PPP2R2D: variants seen among roughly 807,000 people sequenced by gnomAD.
The protein encoded by PPP2R2D is protein phosphatase 2 regulatory subunit Bdelta.
A neutral mutation model predicts 31.1 loss-of-function variants in PPP2R2D; 9 were observed. The ratio of observed to expected loss-of-function variants is 0.29; its 90% CI spans 0.17 to 0.51. The LOEUF is 0.51. Ranked by LOEUF, PPP2R2D falls within the 20% of genes least tolerant of loss-of-function variation. PPP2R2D has a pLI of 0.98. For missense variants in PPP2R2D, 391 were observed against 465.6 expected, an observed-to-expected ratio of 0.84 and a Z score of 1.48; for synonymous variants, 179 against 172.6, an observed-to-expected ratio of 1.04 and a Z score of -0.29.
intron 8 of PPP2R2D, among the ~76,000 whole-genome samples, chr10:131,948,825 G>T (rs1291973069): frequency 2.6e-5 from 4 of 152,222 alleles, no homozygotes; most frequent in African/African-American, 9.6e-5. Flanking sequence ...CCCACACGAG[G>T]TGTAGAGTTG....
At chr10:131,963,705 G>C (rs1554901811), downstream of PPP2R2D, among the ~76,000 whole-genome samples, 1 of 152,248 alleles carries the variant, frequency 6.6e-6, no homozygotes, top group Non-Finnish European at 1.5e-5. Flanking sequence ...CCCCAGTCCA[G>C]GGACCACACT....
chr10:131,917,686 G>A (rs1299977081), intron 2 of PPP2R2D, among the ~76,000 whole-genome samples: 5 of 132,146 alleles, frequency 3.8e-5, no homozygotes, highest in Non-Finnish European at 6.4e-5. Flanking sequence ...GAATGACAGT[G>A]TAGGGACCTC....
At chr10:131,950,050 G>A (rs1554898605) in intron 8 of PPP2R2D, among the ~76,000 whole-genome samples, 1 of 151,750 alleles carries the variant, frequency 6.6e-6, no homozygotes, top group Non-Finnish European at 1.5e-5. Context: ...GACTGGAAAG[G>A]AGTCAGAGAA....
chr10:131,965,049 A>G, the PPP2R2D span, among the ~76,000 whole-genome samples: 1 of 152,110 alleles, frequency 6.6e-6, no homozygotes, highest in Admixed American at 6.5e-5. Context: ...AGTATACTAT[A>G]TATATATTTA....
chr10:131,929,000 C>T (rs181955815), intron 2 of PPP2R2D, among the ~76,000 whole-genome samples: 1 of 152,336 alleles, frequency 6.6e-6, no homozygotes, highest in African/African-American at 2.4e-5. Context: ...ACAGGCGCCT[C>T]TGTCCTCAAC....
At chr10:131,901,655 C>T (rs925407454) in intron 2 of PPP2R2D, among the ~76,000 whole-genome samples, 34 of 152,294 alleles carry the variant, frequency 2.2e-4, no homozygotes, top group African/African-American at 7.7e-4. Flanking sequence ...GGGGCTGCCT[C>T]CTGCCTGGGG....
intron 2 of PPP2R2D, among the ~76,000 whole-genome samples, chr10:131,903,599 G>A (rs1357422204): frequency 6.6e-6 from 1 of 151,988 alleles, no homozygotes; most frequent in African/African-American, 2.4e-5. Context: ...GGTATTTCGA[G>A]TTGTCGTGGT....
intron 2 of PPP2R2D, among the ~76,000 whole-genome samples, chr10:131,914,194 A>G (rs1409997863): frequency 1.3e-5 from 2 of 152,180 alleles, no homozygotes; most frequent in Non-Finnish European, 2.9e-5. Flanking sequence ...TAATCATCAT[A>G]GAAATGGTAT....
At chr10:131,930,062 A>G (rs1554895485) in intron 2 of PPP2R2D, among the ~76,000 whole-genome samples, 1 of 152,222 alleles carries the variant, frequency 6.6e-6, no homozygotes, top group Non-Finnish European at 1.5e-5. Flanking sequence ...AAAGAGGTTG[A>G]AAGAGATCTA....
chr10:131,950,374 A>G (rs1352568120), intron 8 of PPP2R2D, among the ~76,000 whole-genome samples: 2 of 152,170 alleles, frequency 1.3e-5, no homozygotes, highest in Non-Finnish European at 2.9e-5. Flanking sequence ...CAGGACACCA[A>G]ACGCAAAGAG....
At chr10:131,905,797 T>C (rs992763039) in intron 2 of PPP2R2D, among the ~76,000 whole-genome samples, 32 of 152,358 alleles carry the variant, frequency 2.1e-4, no homozygotes, top group Non-Finnish European at 4.3e-4. Context: ...GCTGTACTGC[T>C]TCAGCGACCA....
intron 2 of PPP2R2D, among the ~76,000 whole-genome samples, chr10:131,923,086 T>A (rs2036025876): frequency 6.6e-6 from 1 of 152,214 alleles, no homozygotes; most frequent in Non-Finnish European, 1.5e-5. Flanking sequence ...GCCATCTGAA[T>A]TGGATAATTC....
chr10:131,967,564 G>A, the PPP2R2D span: 1 of 152,444 alleles, frequency 6.6e-6, no homozygotes, highest in Admixed American at 6.5e-5. Context: ...ACATCAAGGC[G>A]GCAGGCAGCC....
At chr10:131,944,282 G>T in intron 6 of PPP2R2D, 137 bp downstream of exon 6, 1 of 692,970 alleles carries the variant, frequency 1.4e-6, no homozygotes, top group Non-Finnish European at 2.3e-6. Context: ...TGTGATGTAA[G>T]TTCTCTGTGA....
At chr10:131,903,879 G>A (rs889066454) in intron 2 of PPP2R2D, among the ~76,000 whole-genome samples, 1 of 152,166 alleles carries the variant, frequency 6.6e-6, no homozygotes, top group Non-Finnish European at 1.5e-5. Flanking sequence ...ATGCCCAAAC[G>A]CAACCTTGAG....
At chr10:131,933,439 C>T (rs1168231213) in intron 2 of PPP2R2D, among the ~76,000 whole-genome samples, 10 of 152,256 alleles carry the variant, frequency 6.6e-5, no homozygotes, top group Admixed American at 6.5e-4. Context: ...CACTGCGAGC[C>T]CTTGAGTTGG....
intron 2 of PPP2R2D, 99 bp downstream of exon 2, chr10:131,901,429 A>C (rs2035492647): frequency 3.0e-6 from 1 of 328,266 alleles, no homozygotes; most frequent in South Asian, 1.4e-4. Context: ...GAAGGCAGGC[A>C]GGAGGATGGG....
chr10:131,961,211 C>G (rs545341566), downstream of PPP2R2D, among the ~76,000 whole-genome samples: 4 of 152,204 alleles, frequency 2.6e-5, no homozygotes, highest in Non-Finnish European at 4.4e-5. Context: ...GCGGGCCCCG[C>G]GCTCTTCCCT....
the PPP2R2D span, chr10:131,966,495 A>G: frequency 2.7e-4 from 41 of 152,320 alleles, no homozygotes; most frequent in African/African-American, 9.9e-4. Flanking sequence ...TAATGTTACA[A>G]TCTAACGAAA....
Sources: gnomAD v4.1 joint callset for allele counts (sites outside exome capture counted in the v4.1 genomes callset) on GRCh38, gnomAD v4.1.1 for gene constraint, MANE v1.5 for transcripts, NCBI Gene and HGNC (gene_info 2026-07-23, HGNC 2026-07-21) for gene names.